Variants in MMP26 observed in about 807,000 individuals in gnomAD.
MMP26 encodes the protein matrix metallopeptidase 26, also known as matrix metalloproteinase-26.
Under a neutral mutation model 31.0 loss-of-function variants are expected in MMP26, and 33 were observed. That is an observed-to-expected ratio of 1.06 (90% confidence interval 0.81 to 1.42). The LOEUF (loss-of-function observed/expected upper bound fraction) is 1.42, where lower values mean the gene tolerates loss of function less well. MMP26 is among the 40% of genes most tolerant of loss of function. The pLI is 0.00. For missense variants in MMP26, 347 were observed against 316.1 expected, an observed-to-expected ratio of 1.10 and a Z score of -0.74; for synonymous variants, 122 against 114.9, an observed-to-expected ratio of 1.06 and a Z score of -0.40.
At chr11:4,830,881 AAAGAC>A (rs958613631) in intron 2 of MMP26, among the ~76,000 whole-genome samples, 3 of 152,186 alleles carry the variant, frequency 2.0e-5, no homozygotes, top group Admixed American at 1.3e-4. Context: ...GTGAACAGAC[AAAGAC>A]AAGAGCTGTG....
intron 1 of MMP26, among the ~76,000 whole-genome samples, chr11:4,705,785 C>G (rs751025819): frequency 6.6e-6 from 1 of 151,930 alleles, no homozygotes; most frequent in Non-Finnish European, 1.5e-5. Flanking sequence ...GTCAGGAGAT[C>G]GAGACCATCC....
chr11:4,818,022 T>G (rs1177554040), intron 2 of MMP26, among the ~76,000 whole-genome samples: 2 of 151,956 alleles, frequency 1.3e-5, no homozygotes, highest in Non-Finnish European at 2.9e-5. Flanking sequence ...GAATGGGAAG[T>G]GGAGAGGCAA....
At chr11:4,939,733 C>T (rs1401720617) in intron 2 of MMP26, among the ~76,000 whole-genome samples, 2 of 152,104 alleles carry the variant, frequency 1.3e-5, no homozygotes, top group African/African-American at 4.8e-5. Context: ...CACAACCTCT[C>T]AATGTGCCCA....
rs747409348 is a variant in MMP26, at chr11:4,990,683, C to G, written c.406C>G (p.Pro136Ala). ...NAVSIWSNVT[P>A]LIFQQVQNGD... ...AGTTTCCATCTGGAGCAATGTGACCCCTTTGATATTCCAGCAAGTGCAGAA... is the reference window on the plus strand; with the variant it reads ...AGTTTCCATCTGGAGCAATGTGACCGCTTTGATATTCCAGCAAGTGCAGAA... The change falls in exon 5 of 8, where the codon CCT becomes GCT. Residue 136 changes from proline to alanine, a missense_variant. By Grantham distance (27) the Pro-to-Ala change is conservative. Transcript: ENST00000380390. 1.2e-6 allele frequency: 2 copies of G among 1,614,024 alleles called. No homozygotes were observed. Among genetic ancestry groups the G allele is most frequent in the Non-Finnish European group, 1.7e-6 (2 of 1,179,986 alleles).
chr11:4,962,164 C>A (rs990438184), intron 2 of MMP26, among the ~76,000 whole-genome samples: 10 of 152,140 alleles, frequency 6.6e-5, no homozygotes, highest in African/African-American at 2.2e-4. Context: ...GTGTAGTGTG[C>A]TCCTTGATAA....
chr11:4,987,916 T>C (rs1671749746), intron 2 of MMP26, among the ~76,000 whole-genome samples, 152 bp from the exon 3 acceptor site: 1 of 152,122 alleles, frequency 6.6e-6, no homozygotes, highest in Admixed American at 6.5e-5. Flanking sequence ...TTTTAAAAAA[T>C]GATGCCCCCT....
intron 2 of MMP26, chr11:4,944,170 C>T (rs1846259730): frequency 1.1e-5 from 5 of 436,712 alleles, no homozygotes; most frequent in Non-Finnish European, 2.3e-5. Flanking sequence ...AGTTCTTGCC[C>T]TGATCTGATG....
intron 2 of MMP26, chr11:4,908,217 C>A (rs376011053): frequency 6.2e-7 from 1 of 1,613,946 alleles, no homozygotes; most frequent in African/African-American, 1.3e-5. Context: ...TTGTTGGTGC[C>A]GCCCCTTATG....
intron 2 of MMP26, among the ~76,000 whole-genome samples, chr11:4,956,227 C>A (rs563653950): frequency 6.6e-6 from 1 of 152,242 alleles, no homozygotes; most frequent in African/African-American, 2.4e-5. Flanking sequence ...GCTAAAGAAT[C>A]CTGATATACA....
chr11:4,804,967 C>CAAA (rs372949891), intron 2 of MMP26, among the ~76,000 whole-genome samples: 1 of 111,804 alleles, frequency 8.9e-6, no homozygotes, highest in Non-Finnish European at 2.0e-5. Flanking sequence ...GAAACCGCCT[C>CAAA]AAAAAAAAAA....
intron 2 of MMP26, chr11:4,923,593 A>G (rs1198620276): frequency 1.2e-6 from 2 of 1,614,152 alleles, no homozygotes; most frequent in Non-Finnish European, 8.5e-7. Context: ...AGAGCAGTAC[A>G]GCACAGATAT....
chr11:4,945,243 A>G (rs995243822), intron 2 of MMP26: 17 of 152,168 alleles, frequency 1.1e-4, no homozygotes, highest in African/African-American at 4.1e-4. Flanking sequence ...CCAAAATTTA[A>G]AGAAAAAAAT....
intron 2 of MMP26, among the ~76,000 whole-genome samples, chr11:4,892,398 G>A (rs186894618): frequency 6.6e-6 from 1 of 152,258 alleles, no homozygotes; most frequent in East Asian, 1.9e-4. Flanking sequence ...TCCAAGCAGA[G>A]TCCATGTATC....
chr11:4,983,912 C>A (rs368696286), intron 2 of MMP26, among the ~76,000 whole-genome samples: 4 of 152,296 alleles, frequency 2.6e-5, no homozygotes, highest in East Asian at 3.9e-4. Context: ...ACAGGCGATT[C>A]TATGCATATT....
At chr11:4,990,143 G>A (rs1308560147) in intron 4 of MMP26, among the ~76,000 whole-genome samples, 1 of 152,034 alleles carries the variant, frequency 6.6e-6, no homozygotes, top group Non-Finnish European at 1.5e-5. Flanking sequence ...ATGGTTCTAA[G>A]GTACAATTTT....
rs114303168 is a variant in MMP26 at position 4,731,314 on chromosome 11, C to A, written c.-217+26269C>A. ...GAATCAGCTTCCCCACCACTCCCAACACACACACAATTTGGTGTGGCCTCG... is the reference window on the plus strand; with the variant it reads ...GAATCAGCTTCCCCACCACTCCCAAAACACACACAATTTGGTGTGGCCTCG... On this transcript the variant is annotated intron_variant, in intron 1 of 7. Coordinates refer to ENST00000380390, the MANE Select transcript of MMP26 (RefSeq NM_021801.5). Among the ~76,000 whole-genome samples, 513 of 152,296 alleles carry A rather than the reference C, an allele frequency of 3.4e-3. 3 individuals carry two copies. The highest frequency in any genetic ancestry group is 0.012 in the African/African-American group (481 of 41,568).
Position 4,804,171 on chromosome 11 carries a change from G to A in MMP26, c.-145+36830G>A, listed in dbSNP as rs760199848. 1.1e-5 allele frequency: 17 copies of A among 1,614,048 alleles called. No homozygotes were observed. The South Asian group carries it at 1.9e-4, about 18-fold the overall frequency. ...AGGAGGAGAGGACCAGGTCAGTGAT[G>A]GCCAGCATGGCCAGAAAGAGGTACA... is the stretch of plus-strand genomic sequence containing the variant. On this transcript the variant is annotated intron_variant, in intron 2 of 7. Transcript: ENST00000380390.
intron 1 of MMP26, among the ~76,000 whole-genome samples, chr11:4,760,796 A>C (rs761237741): frequency 8.5e-5 from 13 of 152,196 alleles, no homozygotes; most frequent in Non-Finnish European, 1.9e-4. Context: ...AGATTGATGC[A>C]GACTTAAGAG....
chr11:4,843,207 A>G (rs1849820451), intron 2 of MMP26, among the ~76,000 whole-genome samples: 1 of 152,192 alleles, frequency 6.6e-6, no homozygotes, highest in South Asian at 2.1e-4. Context: ...TGGAGTATGG[A>G]TAATGGTGGC....
Sources: gnomAD v4.1 joint callset for allele counts (sites outside exome capture counted in the v4.1 genomes callset) on GRCh38, gnomAD v4.1.1 for gene constraint, MANE v1.5 for transcripts, NCBI Gene and HGNC (gene_info 2026-07-23, HGNC 2026-07-21) for gene names.